NUP85: variants seen among roughly 807,000 people sequenced by gnomAD.
The protein encoded by NUP85 is nuclear pore complex protein Nup85.
A neutral mutation model predicts 92.8 loss-of-function variants in NUP85; 23 were observed. That is an observed-to-expected ratio of 0.25 (90% CI 0.18 to 0.35). The LOEUF (loss-of-function observed/expected upper bound fraction) is 0.35, where lower values mean the gene tolerates loss of function less well. NUP85 is among the 10% of genes least tolerant of loss of function. The pLI is 1.00. For synonymous variants in NUP85, 314 were observed against 306.9 expected (o/e 1.02, Z -0.24); for missense variants, 759 against 822.8 (o/e 0.92, Z 0.95).
chr17:75,207,319 G>C (rs1412255582), intron 1 of NUP85, among the ~76,000 whole-genome samples: 1 of 152,044 alleles, frequency 6.6e-6, no homozygotes, highest in Non-Finnish European at 1.5e-5. Context: ...GAGTAGCTGG[G>C]ATTGCAGGCA....
At chr17:75,225,880 C>G in intron 10 of NUP85, 51 bp downstream of exon 10, 1 of 1,609,698 alleles carries the variant, frequency 6.2e-7, no homozygotes, top group East Asian at 2.2e-5. Context: ...CTGGGGGCGC[C>G]CTGATGGGTC....
intron 11 of NUP85, chr17:75,226,697 T>C (rs2075808532): frequency 4.6e-6 from 2 of 431,018 alleles, no homozygotes; most frequent in African/African-American, 2.0e-5. Context: ...GCTTAGGGAC[T>C]TCCTGGAGGC....
In NUP85 at chr17:75,208,555, A is replaced by G. The variant is rs771566609; in HGVS notation, c.62A>G (p.Asn21Ser). 14 of 1,606,504 alleles carry G rather than the reference A, an allele frequency of 8.7e-6. No individual in the cohort carries two copies. The highest frequency in any genetic ancestry group is 1.2e-5 in the Non-Finnish European group (14 of 1,173,642). The change falls in exon 2 of 19, where the codon AAC (asparagine) becomes AGC (serine). Residue 21 changes from asparagine to serine, a missense_variant. Transcript: ENST00000245544. ...ATTCCAGGCGTGAATTCCAAGAAGA[A>G]CCAAATGTATTTTGACTGGGGTCCA... ...TLIPGVNSKK[N>S]QMYFDWGPGE... is the part of the protein sequence containing the mutation.
At chr17:75,210,929 G>A (rs539427114) in intron 3 of NUP85, among the ~76,000 whole-genome samples, 11 of 150,442 alleles carry the variant, frequency 7.3e-5, no homozygotes, top group African/African-American at 2.2e-4. Flanking sequence ...TCTCGATCTC[G>A]TGACCTCGTG....
At chr17:75,218,722 AAGTG>A (rs2145312893) in intron 7 of NUP85, among the ~76,000 whole-genome samples, 1 of 150,982 alleles carries the variant, frequency 6.6e-6, no homozygotes, top group African/African-American at 2.4e-5. Flanking sequence ...CTGGGCAACA[AAGTG>A]AGACCCTCCA....
intron 6 of NUP85, among the ~76,000 whole-genome samples, chr17:75,217,785 G>A (rs1292936426): frequency 6.6e-6 from 1 of 152,220 alleles, no homozygotes; most frequent in East Asian, 1.9e-4. Context: ...GGGATTCCAG[G>A]TGTGCACCAC....
In NUP85 at chr17:75,212,228, G is replaced by GTTTTTTTTTTTTTTTTTT. The variant is rs768963282; in HGVS notation, c.361+166_361+167insTTTTTTTTTTTTTTTTTT. On this transcript the variant is annotated intron_variant, in intron 4 of 18. Transcript: ENST00000245544. ...CTTACTTTTTTGGTAATCATTTAGA[G>GTTTTTTTTTTTTTTTTTT]GTTTTTTTTTTTGTTGTTGTTTTTT... is the stretch of plus-strand genomic sequence containing the variant. 4.7e-5 allele frequency among the ~76,000 whole-genome samples: 4 copies of GTTTTTTTTTTTTTTTTTT among 84,564 alleles called. 2 individuals carry two copies. The highest frequency in any genetic ancestry group is 9.4e-5 in the African/African-American group (2 of 21,344). The allele number at this position is 84,564 out of a possible 152,430, so 55.5% of individuals were successfully genotyped here. A position where few individuals can be genotyped will look rare whatever the true frequency, so the allele number is the denominator to read the frequency against.
rs1263527106 is a variant in NUP85 at position 75,235,158 on chromosome 17, CAAG to C, written c.1831_1833del (p.Arg611del). ...ATGCGGTGTCTGGAGGACTTGACGT[CAAG>C]AAGACCTGTGCATGGAGAATCTGAT... On this transcript the variant is annotated inframe_deletion, in exon 18 of 19. Transcript: ENST00000245544. 10 of 1,614,006 alleles carry C rather than the reference CAAG, an allele frequency of 6.2e-6. No homozygotes were observed. Among genetic ancestry groups the C allele is most frequent in the South Asian group, 2.2e-5 (2 of 91,082 alleles).
chr17:75,233,965 CTCAAGTGA>C (rs1230289205), intron 16 of NUP85, among the ~76,000 whole-genome samples: 2 of 150,980 alleles, frequency 1.3e-5, no homozygotes, highest in African/African-American at 4.9e-5. Flanking sequence ...AACTCCTGAC[CTCAAGTGA>C]TCCGCCCGCC....
intron 1 of NUP85, among the ~76,000 whole-genome samples, chr17:75,207,514 C>T (rs780832629): frequency 1.3e-5 from 2 of 151,542 alleles, no homozygotes; most frequent in South Asian, 2.1e-4. Flanking sequence ...GATTCTCACT[C>T]TGTCACCCAG....
chr17:75,221,246 C>T (rs895082036), intron 7 of NUP85, among the ~76,000 whole-genome samples: 2 of 149,608 alleles, frequency 1.3e-5, no homozygotes, highest in Non-Finnish European at 3.0e-5. Context: ...TTGCCCAGGC[C>T]AGAGTGCAGT....
chr17:75,211,058 A>C (rs2075244751), intron 3 of NUP85, among the ~76,000 whole-genome samples: 1 of 134,934 alleles, frequency 7.4e-6, no homozygotes, highest in East Asian at 2.2e-4. Context: ...GCTGGAGTGC[A>C]GTGGCGCAAT....
At position 75,235,647 on chromosome 17, in the gene NUP85, A is replaced by G; in HGVS notation, c.1939A>G (p.Ile647Val). 4 of 1,614,070 alleles carry G rather than the reference A, an allele frequency of 2.5e-6. No individual in the cohort carries two copies. The highest frequency in any genetic ancestry group is 3.4e-6 in the Non-Finnish European group (4 of 1,179,896). ...TCTGGCACGAAATCTTGCTCGGGCA[A>G]TTATAAGAGAAGGCTCACTGGAAGG... ...LSLARNLARAIIREGSLEGS is the reference protein window; with the variant it reads ...LSLARNLARAVIREGSLEGS The change falls in exon 19 of 19, where the codon ATT (isoleucine) becomes GTT (valine). Residue 647 changes from isoleucine (I) to valine (V), a missense_variant. By Grantham distance (29) the Ile-to-Val change is conservative. Coordinates refer to ENST00000245544, the MANE Select transcript of NUP85 (RefSeq NM_024844.5).
At chr17:75,224,634 C>G (rs1288853433) in intron 7 of NUP85, among the ~76,000 whole-genome samples, 1 of 151,992 alleles carries the variant, frequency 6.6e-6, no homozygotes, top group African/African-American at 2.4e-5. Context: ...GAGTTCGAGA[C>G]CAGCCTGGCC....
chr17:75,232,054 C>G, intron 14 of NUP85, 75 bp downstream of exon 14: 1 of 1,510,188 alleles, frequency 6.6e-7, no homozygotes, highest in South Asian at 1.2e-5. Context: ...CACTTTATGC[C>G]TACCCCAGCC....
intron 16 of NUP85, among the ~76,000 whole-genome samples, chr17:75,233,437 C>CTTTTTTTTTTTTTTTTTTTTT (rs60396796): frequency 6.8e-5 from 8 of 117,184 alleles, no homozygotes; most frequent in African/African-American, 2.1e-4. Context: ...TTTATTTTTT[C>CTTTTTTTTTTTTTTTTTTTTT]TTTTTTTTTT....
At chr17:75,215,623 C>A in intron 5 of NUP85, 131 bp from the exon 6 acceptor site, 1 of 749,848 alleles carries the variant, frequency 1.3e-6, no homozygotes, top group Non-Finnish European at 2.2e-6. Flanking sequence ...GGGAAATCCT[C>A]CAGTAGGATT....
At chr17:75,214,505 T>A (rs1244585343) in intron 5 of NUP85, among the ~76,000 whole-genome samples, 1 of 152,226 alleles carries the variant, frequency 6.6e-6, no homozygotes, top group Non-Finnish European at 1.5e-5. Context: ...ATCTACTGAA[T>A]ATTCTTCTAA....
chr17:75,233,029 T>G, intron 15 of NUP85, 29 bp from the exon 16 acceptor site: 1 of 1,613,450 alleles, frequency 6.2e-7, no homozygotes, highest in Admixed American at 1.7e-5. Flanking sequence ...CTGAGACTGC[T>G]GCTCTGATCT....
Sources: allele counts gnomAD v4.1 joint callset (sites outside exome capture counted in the v4.1 genomes callset), GRCh38; gene constraint gnomAD v4.1.1; transcripts MANE v1.5; gene names NCBI Gene and HGNC (gene_info 2026-07-23, HGNC 2026-07-21).